THSD7B: variants seen among roughly 807,000 people sequenced by gnomAD.
The protein encoded by THSD7B is thrombospondin type 1 domain containing 7B.
Under a neutral mutation model 213.6 loss-of-function variants are expected in THSD7B, and 138 were observed. That is an observed-to-expected ratio of 0.65 (90% CI 0.56 to 0.74). The LOEUF is 0.74. Among genes scored for constraint, THSD7B ranks in the 30% least tolerant of loss-of-function variants. THSD7B has a pLI of 0.00. For synonymous variants in THSD7B, 742 were observed against 687.0 expected, an observed-to-expected ratio of 1.08 and a Z score of -1.25; for missense variants, 1,931 against 1,991.5, an observed-to-expected ratio of 0.97 and a Z score of 0.58.
intron 12 of THSD7B, among the ~76,000 whole-genome samples, chr2:137,320,616 T>C (rs1684241794): frequency 6.6e-6 from 1 of 152,240 alleles, no homozygotes; most frequent in Non-Finnish European, 1.5e-5. Context: ...GTCATGCTTT[T>C]CATATTTAAA....
At chr2:137,077,274 C>T (rs867857353) in intron 3 of THSD7B, among the ~76,000 whole-genome samples, 5 of 152,030 alleles carry the variant, frequency 3.3e-5, no homozygotes, top group East Asian at 1.9e-4. Context: ...TGAATAGTGC[C>T]GCAATAAACA....
At chr2:137,229,381 G>A (rs1302565073) in intron 7 of THSD7B, among the ~76,000 whole-genome samples, 1 of 152,054 alleles carries the variant, frequency 6.6e-6, no homozygotes, top group African/African-American at 2.4e-5. Flanking sequence ...GTTACACACA[G>A]TGTGAACTCA....
intron 20 of THSD7B, among the ~76,000 whole-genome samples, chr2:137,641,839 T>G (rs572972793): frequency 2.0e-5 from 3 of 152,320 alleles, no homozygotes; most frequent in African/African-American, 7.2e-5. Flanking sequence ...AACTTTATCT[T>G]GTGCTCGGTG....
At chr2:137,530,140 C>T (rs6725135) in intron 15 of THSD7B, among the ~76,000 whole-genome samples, 11,137 of 152,022 alleles carry the variant, frequency 0.073, 456 homozygotes, top group African/African-American at 0.09. Flanking sequence ...TTGAGATGTG[C>T]GTGCCTCATT....
chr2:137,659,333 T>C (rs1683297141), intron 24 of THSD7B, among the ~76,000 whole-genome samples: 1 of 152,158 alleles, frequency 6.6e-6, no homozygotes, highest in African/African-American at 2.4e-5. Context: ...TGTTTTCTGC[T>C]CCTGAGTTTA....
At chr2:137,638,991 G>GCAGT (rs1291718223) in intron 20 of THSD7B, among the ~76,000 whole-genome samples, 5 of 150,226 alleles carry the variant, frequency 3.3e-5, no homozygotes, top group Non-Finnish European at 1.5e-5. Context: ...GCCTGACGAT[G>GCAGT]CAGTATAAAA....
At chr2:137,662,062 C>T (rs376005369) in intron 25 of THSD7B, among the ~76,000 whole-genome samples, 3,560 of 132,606 alleles carry the variant, frequency 0.027, 129 homozygotes, top group African/African-American at 0.091. Flanking sequence ...TTTCTTTTTT[C>T]TTTTTTTTTT....
At chr2:137,245,465 G>A (rs1479589118) in intron 10 of THSD7B, among the ~76,000 whole-genome samples, 1 of 152,020 alleles carries the variant, frequency 6.6e-6, no homozygotes, top group African/African-American at 2.4e-5. Context: ...CTCCTTCCCG[G>A]GTCCTCAGCC....
At chr2:136,970,075 TA>T (rs1685380144) in intron 2 of THSD7B, among the ~76,000 whole-genome samples, 1 of 152,152 alleles carries the variant, frequency 6.6e-6, no homozygotes, top group African/African-American at 2.4e-5. Context: ...CAGGATGCTT[TA>T]AAAATATAAA....
At chr2:137,361,271 C>T (rs112285579) in intron 12 of THSD7B, among the ~76,000 whole-genome samples, 4,216 of 152,218 alleles carry the variant, frequency 0.028, 204 homozygotes, top group African/African-American at 0.096. Flanking sequence ...ACAAAGATGG[C>T]GAGGAACCAG....
chr2:136,803,744 T>C (rs1682230823), intron 1 of THSD7B, among the ~76,000 whole-genome samples: 1 of 152,144 alleles, frequency 6.6e-6, no homozygotes, highest in Admixed American at 6.5e-5. Context: ...GGAAAGCCAA[T>C]GGTGAAATGC....
At chr2:137,364,785 G>C (rs1354136548) in intron 12 of THSD7B, among the ~76,000 whole-genome samples, 1 of 152,136 alleles carries the variant, frequency 6.6e-6, no homozygotes, top group East Asian at 1.9e-4. Context: ...TGGATAGGAA[G>C]AATCAATATC....
At chr2:137,085,342 A>T (rs554442578) in intron 3 of THSD7B, among the ~76,000 whole-genome samples, 2 of 152,196 alleles carry the variant, frequency 1.3e-5, no homozygotes, top group Non-Finnish European at 2.9e-5. Context: ...GCTAAGTCCA[A>T]TGTGAAACAG....
Position 137,657,047 on chromosome 2 carries a change from TATC to T in THSD7B, c.4280-15_4280-13del. The T allele has an allele frequency of 6.2e-7, 1 of 1,613,844 alleles. No individual in the cohort carries two copies. The highest frequency in any genetic ancestry group is 8.5e-7 in the Non-Finnish European group (1 of 1,179,784). ...AAGTGAGGTGTAATAGAACTGCTAT[TATC>T]ATATTTACTTACAGGAGGCAAATGT... is the stretch of plus-strand genomic sequence containing the variant. On this transcript the variant is annotated splice_polypyrimidine_tract_variant and intron_variant, in intron 23 of 27. Coordinates refer to ENST00000409968, the MANE Select transcript of THSD7B (RefSeq NM_001316349.2).
intron 10 of THSD7B, among the ~76,000 whole-genome samples, chr2:137,255,983 G>A (rs537863872): frequency 7.8e-4 from 118 of 152,194 alleles, no homozygotes; most frequent in African/African-American, 2.8e-3. Context: ...AAATGCCATT[G>A]CCTCAGAGTG....
intron 12 of THSD7B, among the ~76,000 whole-genome samples, chr2:137,355,862 G>A (rs1189812520): frequency 6.6e-6 from 1 of 152,170 alleles, no homozygotes; most frequent in East Asian, 1.9e-4. Flanking sequence ...TTGACACATA[G>A]TGAGCGCTCT....
intron 27 of THSD7B, among the ~76,000 whole-genome samples, chr2:137,675,182 T>A (rs538131735): frequency 6.6e-6 from 1 of 151,640 alleles, no homozygotes; most frequent in South Asian, 2.1e-4. Flanking sequence ...CAGGGTGAAA[T>A]GGGGGAGGGA....
At chr2:137,269,927 T>G (rs1281007369) in intron 10 of THSD7B, among the ~76,000 whole-genome samples, 1 of 152,108 alleles carries the variant, frequency 6.6e-6, no homozygotes, top group Non-Finnish European at 1.5e-5. Flanking sequence ...GGTAGCCCAC[T>G]CAAATGGAGC....
At chr2:137,120,457 TGAA>T (rs1265110640) in intron 5 of THSD7B, among the ~76,000 whole-genome samples, 3 of 131,766 alleles carry the variant, frequency 2.3e-5, no homozygotes, top group Non-Finnish European at 4.8e-5. Flanking sequence ...GGAGGAAAGA[TGAA>T]GGAGGAGGAG....
Sources: gnomAD v4.1 joint callset for allele counts (sites outside exome capture counted in the v4.1 genomes callset) on GRCh38, gnomAD v4.1.1 for gene constraint, MANE v1.5 for transcripts, NCBI Gene and HGNC (gene_info 2026-07-23, HGNC 2026-07-21) for gene names.